Variants in RTF2 observed in about 807,000 individuals in gnomAD.
RTF2 encodes UPF0549 protein C20orf43.
In RTF2, 18 loss-of-function variants were observed where a neutral mutation model predicts 38.0. The ratio of observed to expected loss-of-function variants is 0.47; its 90% confidence interval spans 0.33 to 0.70. RTF2 has a LOEUF of 0.70. RTF2 is among the 30% of genes least tolerant of loss of function. RTF2 has a pLI of 0.02. For synonymous variants in RTF2, 126 were observed against 137.1 expected, an observed-to-expected ratio of 0.92 and a Z score of 0.57; for missense variants, 311 against 379.6, an observed-to-expected ratio of 0.82 and a Z score of 1.50.
chr20:56,479,975 T>A (rs1982447319), intron 4 of RTF2, among the ~76,000 whole-genome samples: 1 of 151,980 alleles, frequency 6.6e-6, no homozygotes, highest in Non-Finnish European at 1.5e-5. Flanking sequence ...AACCCTAGGG[T>A]TTCCAAACGG....
chr20:56,491,006 C>G (rs1166255943), intron 5 of RTF2, among the ~76,000 whole-genome samples: 1 of 152,240 alleles, frequency 6.6e-6, no homozygotes, highest in Non-Finnish European at 1.5e-5. Flanking sequence ...GTCAAGACCG[C>G]AGACACTTGG....
At chr20:56,475,131 G>A (rs910109101) in intron 3 of RTF2, among the ~76,000 whole-genome samples, 4 of 152,186 alleles carry the variant, frequency 2.6e-5, no homozygotes, top group Non-Finnish European at 5.9e-5. Flanking sequence ...GTTAAATCAC[G>A]TGGCTACCAT....
chr20:56,469,172 C>G (rs1448135328), intron 1 of RTF2, among the ~76,000 whole-genome samples: 1 of 152,182 alleles, frequency 6.6e-6, no homozygotes, highest in East Asian at 1.9e-4. Flanking sequence ...TATACACTAA[C>G]TTCATTTGCT....
chr20:56,495,294 G>C (rs1479398656), intron 5 of RTF2: 2 of 1,551,016 alleles, frequency 1.3e-6, no homozygotes, highest in South Asian at 2.4e-5. Flanking sequence ...AGCACCTGGA[G>C]CATCTAAGAG....
intron 5 of RTF2, among the ~76,000 whole-genome samples, chr20:56,489,887 A>G (rs963920720): frequency 2.6e-5 from 4 of 152,260 alleles, no homozygotes; most frequent in African/African-American, 7.2e-5. Flanking sequence ...ACAGCCTGTC[A>G]GCATGTAGCC....
chr20:56,499,778 C>A, intron 5 of RTF2, among the ~76,000 whole-genome samples: 1 of 151,486 alleles, frequency 6.6e-6, no homozygotes, highest in Non-Finnish European at 1.5e-5. Context: ...ACTCTGTCAC[C>A]CAGGCTGGAG....
At chr20:56,469,218 C>G (rs1028811726) in intron 1 of RTF2, among the ~76,000 whole-genome samples, 1 of 152,220 alleles carries the variant, frequency 6.6e-6, no homozygotes, top group Non-Finnish European at 1.5e-5. Context: ...CTTACCACAT[C>G]CTTTTATAAA....
In RTF2 at chr20:56,518,290, C is replaced by T; in HGVS notation, c.*25C>T. ...AAGCCCGCACTGCCACCGCTCCTGC[C>T]CCAGAAGGTTGTTTAGTTTCCACGT... On this transcript the variant is annotated 3_prime_UTR_variant, in exon 9 of 9. Transcript: ENST00000357348. 6.3e-7 allele frequency: 1 copy of T among 1,596,888 alleles called. No homozygotes were observed. The highest frequency in any genetic ancestry group is 8.5e-7 in the Non-Finnish European group (1 of 1,173,260).
At chr20:56,487,113 C>G (rs911471031) in intron 5 of RTF2, among the ~76,000 whole-genome samples, 2 of 152,102 alleles carry the variant, frequency 1.3e-5, no homozygotes, top group Non-Finnish European at 2.9e-5. Context: ...ATAATAGTAC[C>G]CATCTGTTAG....
intron 5 of RTF2, among the ~76,000 whole-genome samples, chr20:56,508,805 A>G (rs567678155): frequency 5.3e-5 from 8 of 152,336 alleles, no homozygotes; most frequent in African/African-American, 1.9e-4. Context: ...AGTGTGGGGT[A>G]ACTGGATATC....
rs899700026 is a variant in RTF2, at chr20:56,497,265, A to G, written c.477+13076A>G. Reference sequence around the variant, plus strand: ...CATGGCCAGCTCCTTATGAATAGTTATAATATATGCCAAAGAGAAATCGCC... The same window carrying G: ...CATGGCCAGCTCCTTATGAATAGTTGTAATATATGCCAAAGAGAAATCGCC... On this transcript the variant is annotated intron_variant, in intron 5 of 8. Coordinates refer to ENST00000357348, the MANE Select transcript of RTF2 (RefSeq NM_016407.5). 5 of 1,551,684 alleles carry G rather than the reference A, an allele frequency of 3.2e-6. No individual in the cohort carries two copies. In the African/African-American group the frequency reaches 4.1e-5, roughly 13 times the overall value.
At chr20:56,516,889 GGAGTGAATCT>G (rs1985076647) in intron 6 of RTF2, 36 bp from the exon 7 acceptor site, 1 of 1,577,314 alleles carries the variant, frequency 6.3e-7, no homozygotes, top group East Asian at 2.2e-5. Context: ...ACGCTGAAGT[GGAGTGAATCT>G]GAGCACAGCC....
chr20:56,506,017 C>T (rs927849405), intron 5 of RTF2, among the ~76,000 whole-genome samples: 2 of 152,156 alleles, frequency 1.3e-5, no homozygotes, highest in African/African-American at 2.4e-5. Flanking sequence ...AAACATACGA[C>T]GTGATGGGCA....
At chr20:56,484,911 T>A (rs1982713719) in intron 5 of RTF2, among the ~76,000 whole-genome samples, 1 of 152,182 alleles carries the variant, frequency 6.6e-6, no homozygotes, top group Non-Finnish European at 1.5e-5. Context: ...CAACCCTGTT[T>A]GTATTTCATT....
At chr20:56,502,541 G>A (rs1050589909) in intron 5 of RTF2, among the ~76,000 whole-genome samples, 1 of 152,122 alleles carries the variant, frequency 6.6e-6, no homozygotes, top group South Asian at 2.1e-4. Context: ...ACTTTTTAGG[G>A]TGAGTTGGCA....
intron 5 of RTF2, among the ~76,000 whole-genome samples, chr20:56,507,722 G>A (rs962812679): frequency 1.3e-5 from 2 of 152,156 alleles, no homozygotes; most frequent in Non-Finnish European, 2.9e-5. Context: ...GAAAGGTGGG[G>A]GCAGCACCCA....
intron 5 of RTF2, chr20:56,491,525 CAG>C (rs1201987250): frequency 7.6e-7 from 1 of 1,317,954 alleles, no homozygotes; most frequent in Non-Finnish European, 1.1e-6. Context: ...GTCAAGGAAA[CAG>C]AATGATACCA....
chr20:56,483,990 T>A (rs1447570927), intron 4 of RTF2, 121 bp from the exon 5 acceptor site: 1 of 704,072 alleles, frequency 1.4e-6, no homozygotes, highest in African/African-American at 1.8e-5. Context: ...TACTGATTTT[T>A]TTAATAGAGT....
At chr20:56,498,929 A>G (rs1462325253) in intron 5 of RTF2, among the ~76,000 whole-genome samples, 1 of 152,296 alleles carries the variant, frequency 6.6e-6, no homozygotes, top group East Asian at 1.9e-4. Flanking sequence ...AATGCCTCAA[A>G]CAGGCAGCAT....
Sources: gnomAD v4.1 joint callset for allele counts (sites outside exome capture counted in the v4.1 genomes callset) on GRCh38, gnomAD v4.1.1 for gene constraint, MANE v1.5 for transcripts, NCBI Gene and HGNC (gene_info 2026-07-23, HGNC 2026-07-21) for gene names.